GALNT15: variants seen among roughly 807,000 people sequenced by gnomAD.
GALNT15 encodes the protein UDP-GalNAc transferase T15.
GALNT15 carries 67 observed loss-of-function variants against 66.8 expected under a neutral mutation model. The observed-to-expected ratio is 1.00, with a 90% CI of 0.82 to 1.23. The LOEUF (loss-of-function observed/expected upper bound fraction) is 1.23. Ranked by LOEUF, GALNT15 falls within the 50% of genes most tolerant of loss-of-function variation. GALNT15 has a pLI of 0.00. For missense variants in GALNT15, 827 were observed against 804.3 expected (o/e 1.03, Z -0.34); for synonymous variants, 313 against 311.5 (o/e 1.00, Z -0.05).
the GALNT15 span, among the ~76,000 whole-genome samples, chr3:16,242,641 T>A: frequency 6.6e-6 from 1 of 152,032 alleles, no homozygotes; most frequent in Non-Finnish European, 1.5e-5. The surrounding 1 kb of genome is among the most constrained non-coding windows in gnomAD (Gnocchi z 5.6). Flanking sequence ...TACCTAGGCA[T>A]TGTAGCACAT....
chr3:16,245,514 A>G, the GALNT15 span, among the ~76,000 whole-genome samples: 4 of 152,254 alleles, frequency 2.6e-5, no homozygotes, highest in African/African-American at 9.6e-5. Context: ...CTGGTCCTAC[A>G]TCCTAAACAT....
rs943630558 is a variant in GALNT15, at chr3:16,201,388, A to G, written c.911+565A>G. Among the ~76,000 whole-genome samples, 6 of 150,772 alleles carry G rather than the reference A, an allele frequency of 4.0e-5. 1 individual carries two copies. In the South Asian group the frequency reaches 1.0e-3, roughly 26 times the overall value. Reference sequence around the variant, plus strand: ...AGTAGAGAAGGGGTTTCACCGTGTTAGCCAGGATGGTCTCGATCTCCTGAC... The same window carrying G: ...AGTAGAGAAGGGGTTTCACCGTGTTGGCCAGGATGGTCTCGATCTCCTGAC... On this transcript the variant is annotated intron_variant, in intron 3 of 9. Transcript: ENST00000339732.
intron 6 of GALNT15, among the ~76,000 whole-genome samples, chr3:16,216,885 CTGA>C: frequency 6.6e-6 from 1 of 152,360 alleles, no homozygotes; most frequent in Middle Eastern, 3.4e-3. Flanking sequence ...TATCGGGAAG[CTGA>C]TCACCAATTT....
At chr3:16,215,584 G>A (rs1428007948) in intron 6 of GALNT15, among the ~76,000 whole-genome samples, 2 of 152,188 alleles carry the variant, frequency 1.3e-5, no homozygotes, top group Non-Finnish European at 1.5e-5. Flanking sequence ...AGTTCTGTCT[G>A]AATTTGGGGG....
chr3:16,243,444 C>T, the GALNT15 span, among the ~76,000 whole-genome samples: 1 of 152,242 alleles, frequency 6.6e-6, no homozygotes, highest in Non-Finnish European at 1.5e-5. Flanking sequence ...AGTGGGCGCC[C>T]AGGGAGCACC....
At chr3:16,231,497 A>G (rs2064081425), downstream of GALNT15, among the ~76,000 whole-genome samples, 1 of 152,184 alleles carries the variant, frequency 6.6e-6, no homozygotes, top group East Asian at 1.9e-4. The surrounding 1 kb of genome is among the most constrained non-coding windows in gnomAD (Gnocchi z 4.1). Flanking sequence ...TTTTTTCATC[A>G]CTGAAGGCTC....
chr3:16,192,771 T>C (rs2063592718), intron 1 of GALNT15, among the ~76,000 whole-genome samples: 1 of 152,240 alleles, frequency 6.6e-6, no homozygotes, highest in Non-Finnish European at 1.5e-5. Context: ...TGGTTCCATT[T>C]TGGACATGTT....
At chr3:16,218,215 G>T (rs1245953350) in intron 6 of GALNT15, among the ~76,000 whole-genome samples, 1 of 152,230 alleles carries the variant, frequency 6.6e-6, no homozygotes, top group African/African-American at 2.4e-5. Flanking sequence ...AGGTCTAAAA[G>T]AGAGAGGGAA....
Position 16,211,064 on chromosome 3 carries a change from G to A in GALNT15, c.1080-60G>A. 2 of 1,295,972 alleles carry A rather than the reference G, an allele frequency of 1.5e-6. No homozygotes were observed. The highest frequency in any genetic ancestry group is 2.2e-6 in the Non-Finnish European group (2 of 893,926). The allele number at this position is 1,295,972 out of a possible 1,614,324, so 80.3% of individuals were successfully genotyped here. On this transcript the variant is annotated intron_variant, in intron 4 of 9. Transcript: ENST00000339732. This position sits in a 1 kb window ranked among gnomAD's most constrained non-coding sequence, Gnocchi z 4.3. ...CCCACCTGGGAAGCCCCAGCCCCCA[G>A]CCTCGCCTGCTGTGCTCTGGGTTCT... is the stretch of plus-strand genomic sequence containing the variant.
the GALNT15 span, among the ~76,000 whole-genome samples, chr3:16,240,869 G>T: frequency 6.6e-6 from 1 of 152,134 alleles, no homozygotes; most frequent in African/African-American, 2.4e-5. Flanking sequence ...CCCTGACCCT[G>T]CCTCCACCCT....
chr3:16,211,231 T>C lies in GALNT15; in HGVS notation c.1187T>C (p.Leu396Pro), dbSNP rs2063811614. 1.2e-6 allele frequency: 2 copies of C among 1,606,428 alleles called. No individual in the cohort carries two copies. The highest frequency in any genetic ancestry group is 1.3e-5 in the African/African-American group (1 of 74,744). The change falls in exon 5 of 10, where the codon CTG becomes CCG. Residue 396 changes from leucine (L) to proline (P), a missense_variant. Transcript: ENST00000339732. This position sits in a 1 kb window ranked among gnomAD's most constrained non-coding sequence, Gnocchi z 4.3. ...CTGCGAGGTGGTGAAAACCTCGAACTGTCTTTCAAGGTATGTCCTGGACCA... is the reference window on the plus strand; with the variant it reads ...CTGCGAGGTGGTGAAAACCTCGAACCGTCTTTCAAGGTATGTCCTGGACCA... ...MSLRGGENLELSFKAWLCGGS... is the reference protein window; with the variant it reads ...MSLRGGENLEPSFKAWLCGGS...
chr3:16,213,237 C>T (rs1454531600), intron 6 of GALNT15, among the ~76,000 whole-genome samples: 1 of 151,886 alleles, frequency 6.6e-6, no homozygotes, highest in South Asian at 2.1e-4. Context: ...GGGTGGATCA[C>T]GAGGTCAGGA....
rs2063496556 is a variant in GALNT15, at chr3:16,184,192, A to G, written c.539+8502A>G. Among the ~76,000 whole-genome samples, 1 of 152,208 alleles carries G rather than the reference A, an allele frequency of 6.6e-6. No homozygotes were observed. The highest frequency in any genetic ancestry group is 1.5e-5 in the Non-Finnish European group (1 of 68,026). On this transcript the variant is annotated intron_variant, in intron 1 of 9. Coordinates refer to ENST00000339732, the MANE Select transcript of GALNT15 (RefSeq NM_054110.5). The surrounding 1 kb of genome is among the most constrained non-coding windows in gnomAD (Gnocchi z 5.0). The stretch of plus-strand genomic sequence containing the variant: ...TCAGGGGTGGGGTTTTGGACACTTG[A>G]GTGACACATACAAACCGAGATAGTA...
rs528210985 is a variant in GALNT15, at chr3:16,201,321, A to G, written c.911+498A>G. Among the ~76,000 whole-genome samples the G allele has an allele frequency of 2.6e-4, 40 of 152,148 alleles. No individual in the cohort carries two copies. The East Asian group carries it at 3.7e-3, about 14-fold the overall frequency. ...TTCAGCCTCCCGAGTAGCTGGGACT[A>G]CAGGCGCCCGCCACCACACCCGGCT... On this transcript the variant is annotated intron_variant, in intron 3 of 9. Transcript: ENST00000339732.
chr3:16,184,680 G>A lies in GALNT15; in HGVS notation c.539+8990G>A, dbSNP rs552804744. Among the ~76,000 whole-genome samples, 5 of 152,184 alleles carry A rather than the reference G, an allele frequency of 3.3e-5. No homozygotes were observed. Among genetic ancestry groups the A allele is most frequent in the Non-Finnish European group, 7.4e-5 (5 of 68,024 alleles). ...TCCCCTAAAGAAGATCCTGAAAGAA[G>A]GCTTCATTTTGCCGGTTATCCCAAG... On this transcript the variant is annotated intron_variant, in intron 1 of 9. Coordinates refer to ENST00000339732, the MANE Select transcript of GALNT15 (RefSeq NM_054110.5). The surrounding 1 kb of genome is among the most constrained non-coding windows in gnomAD (Gnocchi z 5.0).
At chr3:16,199,923 G>C (rs2063680653) in intron 2 of GALNT15, among the ~76,000 whole-genome samples, 1 of 152,162 alleles carries the variant, frequency 6.6e-6, no homozygotes, top group African/African-American at 2.4e-5. Flanking sequence ...CAGTTAAGGG[G>C]AGCTCAGGGA....
intron 8 of GALNT15, 126 bp downstream of exon 8, chr3:16,220,140 T>C (rs1039271414): frequency 8.2e-6 from 6 of 735,012 alleles, no homozygotes; most frequent in African/African-American, 6.9e-5. Flanking sequence ...GTCCCTTGAC[T>C]GCCATGGTCC....
chr3:16,215,713 C>T (rs2063864234), intron 6 of GALNT15, among the ~76,000 whole-genome samples: 1 of 151,892 alleles, frequency 6.6e-6, no homozygotes, highest in Admixed American at 6.6e-5. Flanking sequence ...AAATCGAGAC[C>T]ATCCTGGCTA....
intron 1 of GALNT15, among the ~76,000 whole-genome samples, chr3:16,185,626 C>T (rs138700849): frequency 5.3e-5 from 8 of 152,302 alleles, no homozygotes; most frequent in Non-Finnish European, 1.2e-4. Flanking sequence ...GTAGACAGTG[C>T]AGAATGTGTG....
Sources: gnomAD v4.1 joint callset for allele counts (sites outside exome capture counted in the v4.1 genomes callset) on GRCh38, gnomAD v4.1.1 for gene constraint, Gnocchi (gnomAD v3.1) non-coding constraint, MANE v1.5 for transcripts, NCBI Gene and HGNC (gene_info 2026-07-23, HGNC 2026-07-21) for gene names.